SLC2A9: variants seen among roughly 807,000 people sequenced by gnomAD.
SLC2A9 encodes the protein solute carrier family 2 member 9.
SLC2A9 carries 39 observed loss-of-function variants against 50.6 expected under a neutral mutation model. That is an observed-to-expected ratio of 0.77 (90% confidence interval 0.60 to 1.01). SLC2A9 has a LOEUF of 1.01. Among genes scored for constraint, SLC2A9 ranks in the 50% least tolerant of loss-of-function variants. The pLI is 0.00. For missense variants in SLC2A9, 686 were observed against 677.6 expected (o/e 1.01, Z -0.14); for synonymous variants, 324 against 276.9 (o/e 1.17, Z -1.69).
intron 10 of SLC2A9, among the ~76,000 whole-genome samples, chr4:9,837,700 G>T (rs1411604397): frequency 6.6e-6 from 1 of 152,186 alleles, no homozygotes; most frequent in Non-Finnish European, 1.5e-5. Context: ...GTGTTTGCAG[G>T]ATTGATGAAA....
chr4:9,970,149 T>C (rs1278299991), intron 5 of SLC2A9, among the ~76,000 whole-genome samples: 1 of 152,102 alleles, frequency 6.6e-6, no homozygotes, highest in African/African-American at 2.4e-5. Flanking sequence ...CCTGATAATA[T>C]AGGCCATGGG....
At chr4:9,914,189 A>G (rs1309972534) in intron 7 of SLC2A9, among the ~76,000 whole-genome samples, 2 of 152,128 alleles carry the variant, frequency 1.3e-5, no homozygotes, top group African/African-American at 4.8e-5. Flanking sequence ...ATGCTAGGGG[A>G]GGGTGCTAAG....
At chr4:9,783,409 G>T (rs762916143) in intron 3 of SLC2A9, 5 of 1,614,024 alleles carry the variant, frequency 3.1e-6, no homozygotes, top group Admixed American at 1.7e-5. Flanking sequence ...TGGACTGCGA[G>T]GGGGAGATTT....
intron 3 of SLC2A9, among the ~76,000 whole-genome samples, chr4:9,820,716 CT>C (rs750999468): frequency 2.6e-5 from 4 of 152,172 alleles, no homozygotes; most frequent in South Asian, 2.1e-4. Context: ...TGAAGAGCAA[CT>C]TTTTTATGTT....
At chr4:9,896,859 T>C (rs1423785092) in intron 8 of SLC2A9, among the ~76,000 whole-genome samples, 1 of 152,254 alleles carries the variant, frequency 6.6e-6, no homozygotes, top group African/African-American at 2.4e-5. Context: ...CTTCAGCAAC[T>C]TTTTGTTTTC....
chr4:9,833,856 T>C (rs10012880), intron 11 of SLC2A9, among the ~76,000 whole-genome samples: 59,639 of 152,046 alleles, frequency 0.39, 12,603 homozygotes, highest in African/African-American at 0.57. Context: ...CACCCAGCAC[T>C]GAGGGCAGCA....
At chr4:9,891,707 T>A (rs1737468031) in intron 8 of SLC2A9, among the ~76,000 whole-genome samples, 1 of 152,142 alleles carries the variant, frequency 6.6e-6, no homozygotes, top group South Asian at 2.1e-4. Flanking sequence ...CCAGAATGAA[T>A]CAGAATCCAT....
chr4:9,781,518 C>T (rs1431211769), intron 3 of SLC2A9, among the ~76,000 whole-genome samples: 1 of 151,574 alleles, frequency 6.6e-6, no homozygotes, highest in Non-Finnish European at 1.5e-5. Flanking sequence ...TACACTCTGG[C>T]GCGCTGAGGG....
intron 11 of SLC2A9, among the ~76,000 whole-genome samples, chr4:9,833,191 G>C (rs1250988120): frequency 6.6e-6 from 1 of 152,208 alleles, no homozygotes; most frequent in African/African-American, 2.4e-5. Context: ...CTGCAGCCAC[G>C]TGAAGGTGTC....
At chr4:10,006,619 G>A (rs574529255) in intron 2 of SLC2A9, 3 of 152,180 alleles carry the variant, frequency 2.0e-5, no homozygotes, top group East Asian at 3.9e-4. Context: ...GCTCCCCGAG[G>A]TAAGGCCTCC....
chr4:10,025,654 A>G (rs1763725470), upstream of SLC2A9: 2 of 504,042 alleles, frequency 4.0e-6, no homozygotes, highest in East Asian at 6.5e-5. Flanking sequence ...TTTGTAATGG[A>G]GACTTTTGCC....
At chr4:9,874,191 T>C (rs1733914237) in intron 10 of SLC2A9, among the ~76,000 whole-genome samples, 1 of 152,162 alleles carries the variant, frequency 6.6e-6, no homozygotes, top group African/African-American at 2.4e-5. Context: ...ATTCCTCCTT[T>C]TCCCTTTAGC....
chr4:9,940,393 T>C (rs1404332774), intron 6 of SLC2A9, among the ~76,000 whole-genome samples: 1 of 152,128 alleles, frequency 6.6e-6, no homozygotes. Flanking sequence ...TGGAGGAAAA[T>C]CTTCTTTGGG....
rs146357305 is a variant in SLC2A9, at chr4:10,005,302, G to A, written c.250-8361C>T. Among the ~76,000 whole-genome samples the A allele has an allele frequency of 6.7e-4, 102 of 152,266 alleles. 1 individual carries two copies. The highest frequency in any genetic ancestry group is 1.1e-3 in the Non-Finnish European group (78 of 68,024). On this transcript the variant is annotated intron_variant, in intron 2 of 11. Transcript: ENST00000264784. ...CAGAATTCTTGAAGGTGCAGAAACC[G>A]GAGACCACAGGTTGCCACACAGGAG...
intron 3 of SLC2A9, among the ~76,000 whole-genome samples, chr4:9,819,240 A>G (rs1328490478): frequency 6.6e-6 from 1 of 152,060 alleles, no homozygotes; most frequent in East Asian, 1.9e-4. Flanking sequence ...TAACAGAAAC[A>G]ATATTTTGAT....
downstream of SLC2A9, among the ~76,000 whole-genome samples, chr4:9,821,524 C>A (rs1724398841): frequency 1.3e-5 from 2 of 152,120 alleles, no homozygotes; most frequent in Non-Finnish European, 2.9e-5. Flanking sequence ...GGAGGGAGAG[C>A]ATTAGGAGAA....
At chr4:9,996,674 G>A (rs1187860170) in intron 3 of SLC2A9, 107 bp downstream of exon 3, 1 of 1,370,598 alleles carries the variant, frequency 7.3e-7, no homozygotes, top group African/African-American at 1.4e-5. Flanking sequence ...AATCTCTCCA[G>A]TTGAACTGCC....
chr4:9,967,290 C>T (rs1419176005), intron 5 of SLC2A9, among the ~76,000 whole-genome samples: 2 of 151,960 alleles, frequency 1.3e-5, no homozygotes, highest in Non-Finnish European at 2.9e-5. Flanking sequence ...TGGAATGAAC[C>T]AAATTATGTG....
At chr4:9,825,089 G>A (rs1452068888), downstream of SLC2A9, among the ~76,000 whole-genome samples, 1 of 152,194 alleles carries the variant, frequency 6.6e-6, no homozygotes, top group Admixed American at 6.5e-5. Context: ...GCTAAGTCAA[G>A]TCCTCTCTGG....
Sources: gnomAD v4.1 joint callset for allele counts (sites outside exome capture counted in the v4.1 genomes callset) on GRCh38, gnomAD v4.1.1 for gene constraint, MANE v1.5 for transcripts, NCBI Gene and HGNC (gene_info 2026-07-23, HGNC 2026-07-21) for gene names.